PEAK1: variants seen among roughly 807,000 people sequenced by gnomAD.
PEAK1 encodes pseudopodium enriched atypical kinase 1.
PEAK1 carries 54 observed loss-of-function variants against 124.7 expected under a neutral mutation model. That is an observed-to-expected ratio of 0.43 (90% confidence interval 0.35 to 0.54). PEAK1 has a LOEUF of 0.54. Ranked by LOEUF, PEAK1 falls within the 20% of genes least tolerant of loss-of-function variation. The pLI, the probability that PEAK1 is intolerant of heterozygous loss-of-function variation, is 0.01. For missense variants in PEAK1, 2,046 were observed against 2,134.5 expected, an observed-to-expected ratio of 0.96 and a Z score of 0.82; for synonymous variants, 719 against 760.0, an observed-to-expected ratio of 0.95 and a Z score of 0.89.
intron 5 of PEAK1, among the ~76,000 whole-genome samples, chr15:77,271,683 A>G (rs1447910186): frequency 6.6e-6 from 1 of 152,222 alleles, no homozygotes; most frequent in Non-Finnish European, 1.5e-5. Context: ...TCACAAGGAC[A>G]AAAAACCAAA....
intron 2 of PEAK1, among the ~76,000 whole-genome samples, chr15:77,320,241 A>G (rs184199067): frequency 6.6e-6 from 1 of 152,188 alleles, no homozygotes; most frequent in African/African-American, 2.4e-5. Context: ...ACCAACAGAA[A>G]TCACTTGGTA....
At chr15:77,122,930 G>A (rs758184232) in intron 9 of PEAK1, among the ~76,000 whole-genome samples, 3 of 152,018 alleles carry the variant, frequency 2.0e-5, no homozygotes, top group Non-Finnish European at 2.9e-5. Flanking sequence ...TTTTCATTTA[G>A]TATCTTGTTT....
chr15:77,114,120 G>A lies in PEAK1; in HGVS notation c.*36C>T, dbSNP rs1411927221. 4 of 1,591,926 alleles carry A rather than the reference G, an allele frequency of 2.5e-6. No individual in the cohort carries two copies. The highest frequency in any genetic ancestry group is 1.7e-5 in the Admixed American group (1 of 59,490). ...GGAAGTGCATGGGTGACATGAAGAA[G>A]GTGAAGATGTAGTAAAAGCATCATC... On this transcript the variant is annotated 3_prime_UTR_variant, in exon 10 of 10. Coordinates refer to ENST00000682557, the MANE Select transcript of PEAK1 (RefSeq NM_001385026.1).
chr15:77,161,108 A>T (rs1009442246), intron 7 of PEAK1, among the ~76,000 whole-genome samples: 2 of 152,230 alleles, frequency 1.3e-5, no homozygotes, highest in African/African-American at 4.8e-5. Flanking sequence ...AAATATTAGA[A>T]AACTCACCCG....
chr15:77,307,744 CCT>C (rs1460926486), intron 2 of PEAK1, among the ~76,000 whole-genome samples: 1 of 151,992 alleles, frequency 6.6e-6, no homozygotes, highest in Non-Finnish European at 1.5e-5. Flanking sequence ...TGTACTTCCC[CCT>C]CTCAACAAAA....
At chr15:77,338,621 C>A (rs1484871416) in intron 2 of PEAK1, among the ~76,000 whole-genome samples, 2 of 99,904 alleles carry the variant, frequency 2.0e-5, no homozygotes, top group Non-Finnish European at 2.0e-5. Flanking sequence ...ACATACACCA[C>A]ATGAAAAATC....
At chr15:77,253,104 C>T (rs1048997651) in intron 5 of PEAK1, among the ~76,000 whole-genome samples, 10 of 152,088 alleles carry the variant, frequency 6.6e-5, no homozygotes, top group African/African-American at 2.2e-4. Flanking sequence ...GACCCAACCC[C>T]TAATTTGTTT....
intron 1 of PEAK1, among the ~76,000 whole-genome samples, chr15:77,382,064 C>A (rs1287455830): frequency 2.0e-5 from 3 of 152,282 alleles, no homozygotes; most frequent in South Asian, 4.1e-4. Context: ...TCAAGCTAGA[C>A]TCCATCCATG....
chr15:77,348,994 T>C (rs1462143295), intron 2 of PEAK1: 12 of 944,860 alleles, frequency 1.3e-5, no homozygotes, highest in South Asian at 4.9e-5. Context: ...ATTTAACTAA[T>C]ACAAAAAAAT....
At chr15:77,246,436 A>G (rs1009040770) in intron 6 of PEAK1, among the ~76,000 whole-genome samples, 2 of 151,964 alleles carry the variant, frequency 1.3e-5, no homozygotes, top group African/African-American at 4.8e-5. Context: ...AGGTAGGAGG[A>G]TCACTTGAGC....
At chr15:77,368,851 T>A (rs1490609190) in intron 1 of PEAK1, among the ~76,000 whole-genome samples, 1 of 152,194 alleles carries the variant, frequency 6.6e-6, no homozygotes, top group Admixed American at 6.5e-5. Flanking sequence ...CAGAAAAATC[T>A]GAGATAACTA....
intron 6 of PEAK1, among the ~76,000 whole-genome samples, chr15:77,220,133 T>A (rs1299922586): frequency 6.6e-6 from 1 of 152,036 alleles, no homozygotes; most frequent in Admixed American, 6.6e-5. Context: ...AATTAGCTAG[T>A]AGATAAAAGA....
At chr15:77,410,075 G>GTTT (rs71145825) in intron 1 of PEAK1, among the ~76,000 whole-genome samples, 3 of 141,280 alleles carry the variant, frequency 2.1e-5, no homozygotes, top group African/African-American at 7.9e-5. Flanking sequence ...GTGTGTGTGT[G>GTTT]TTTTTTTTTT....
At chr15:77,239,748 G>T in intron 6 of PEAK1, 1 of 693,596 alleles carries the variant, frequency 1.4e-6, no homozygotes, top group Non-Finnish European at 1.8e-6. Flanking sequence ...AAGATTATGG[G>T]ATTTACAGAG....
At chr15:77,158,464 G>C in intron 8 of PEAK1, 39 bp downstream of exon 8, 1 of 1,573,184 alleles carries the variant, frequency 6.4e-7, no homozygotes, top group Non-Finnish European at 8.7e-7. Context: ...ACAGAAAAAG[G>C]CAAAGTTTAA....
chr15:77,277,665 C>A lies in PEAK1; in HGVS notation c.-275+6218G>T, dbSNP rs75891158. On this transcript the variant is annotated intron_variant, in intron 5 of 9. Transcript: ENST00000682557. ...AGAGCTCACTAATAGGATCACCATACCTGTAAGTAAATATTTTTGTTCTAA... is the reference window on the plus strand; with the variant it reads ...AGAGCTCACTAATAGGATCACCATAACTGTAAGTAAATATTTTTGTTCTAA... Among the ~76,000 whole-genome samples, 309 of 152,066 alleles carry A rather than the reference C, an allele frequency of 2.0e-3. 1 individual carries two copies. Among genetic ancestry groups the A allele is most frequent in the African/African-American group, 7.3e-3 (303 of 41,484 alleles).
downstream of PEAK1, chr15:77,105,454 A>C (rs1043041996): frequency 3.9e-5 from 6 of 152,040 alleles, no homozygotes; most frequent in Non-Finnish European, 8.8e-5. Flanking sequence ...GAGGTTTGCA[A>C]ATTTGAGAGA....
At chr15:77,250,009 A>C (rs1170032960) in intron 6 of PEAK1, among the ~76,000 whole-genome samples, 1 of 151,564 alleles carries the variant, frequency 6.6e-6, no homozygotes, top group Non-Finnish European at 1.5e-5. Flanking sequence ...ACCAGAAAGA[A>C]TTTACTGGAT....
rs1456310303 is a variant in PEAK1, at chr15:77,108,998, A to G, written c.*5158T>C. ...ATTCTAATTTTAAACAGTTGCAGGG[A>G]GGGGGTGTTTAACGGCTGTATAGCA... On this transcript the variant is annotated 3_prime_UTR_variant, in exon 10 of 10. Coordinates refer to ENST00000682557, the MANE Select transcript of PEAK1 (RefSeq NM_001385026.1). 1 of 152,108 alleles carries G rather than the reference A, an allele frequency of 6.6e-6. No individual in the cohort carries two copies. The highest frequency in any genetic ancestry group is 2.4e-5 in the African/African-American group (1 of 41,412). The allele number at this position is 152,108 out of a possible 1,614,324, so 9.4% of individuals were successfully genotyped here.
Sources: allele counts gnomAD v4.1 joint callset (sites outside exome capture counted in the v4.1 genomes callset), GRCh38; gene constraint gnomAD v4.1.1; transcripts MANE v1.5; gene names NCBI Gene and HGNC (gene_info 2026-07-23, HGNC 2026-07-21).